PREX1: variants seen among roughly 807,000 people sequenced by gnomAD.
PREX1 encodes phosphatidylinositol-3,4,5-trisphosphate dependent Rac exchange factor 1.
Under a neutral mutation model 198.3 loss-of-function variants are expected in PREX1, and 41 were observed. The observed-to-expected ratio is 0.21, with a 90% CI of 0.16 to 0.27. The LOEUF (loss-of-function observed/expected upper bound fraction) is 0.27, where lower values mean the gene tolerates loss of function less well. PREX1 is among the 10% of genes least tolerant of loss of function. PREX1 has a pLI of 1.00. For missense variants in PREX1, 1,620 were observed against 2,200.7 expected (o/e 0.74, Z 5.28); for synonymous variants, 843 against 887.2 (o/e 0.95, Z 0.89).
At chr20:48,751,133 C>G (rs1357477933) in intron 1 of PREX1, among the ~76,000 whole-genome samples, 7 of 152,220 alleles carry the variant, frequency 4.6e-5, no homozygotes, top group Non-Finnish European at 7.3e-5. Flanking sequence ...GGCACAGTGC[C>G]TGACCCATGC....
At chr20:48,758,477 G>A (rs1250925463) in intron 1 of PREX1, among the ~76,000 whole-genome samples, 1 of 152,156 alleles carries the variant, frequency 6.6e-6, no homozygotes, top group Admixed American at 6.5e-5. Flanking sequence ...AGCTTGGGGG[G>A]GTGAAAGACA....
chr20:48,724,420 A>C (rs1182527315), intron 5 of PREX1, among the ~76,000 whole-genome samples: 1 of 152,200 alleles, frequency 6.6e-6, no homozygotes, highest in Non-Finnish European at 1.5e-5. Context: ...AGGGACGGAT[A>C]GTGACTTGCC....
chr20:48,832,142 G>GAA (rs11481327), upstream of PREX1, among the ~76,000 whole-genome samples: 35,140 of 150,476 alleles, frequency 0.23, 4,679 homozygotes, highest in Non-Finnish European at 0.3. Flanking sequence ...TCAGGGGGAA[G>GAA]AAAAAAAAAG....
At position 48,666,136 on chromosome 20, in the gene PREX1, G is replaced by T. The variant is rs923302990; in HGVS notation, c.1738+147C>A. ...TTTCTCGATCGGTTCAGAACGGGAA[G>T]GGGAGGGAGGTGGGATTCGTGAGCC... is the stretch of plus-strand genomic sequence containing the variant. On this transcript the variant is annotated intron_variant, in intron 15 of 39. Transcript: ENST00000371941. This position sits in a 1 kb window ranked among gnomAD's most constrained non-coding sequence, Gnocchi z 4.3. The T allele has an allele frequency of 1.4e-6, 1 of 738,112 alleles. No individual in the cohort carries two copies. The highest frequency in any genetic ancestry group is 2.2e-6 in the Non-Finnish European group (1 of 448,424). 45.7% of individuals were successfully genotyped at this position (738,112 alleles called of 1,614,324 possible). A position where few individuals can be genotyped will look rare whatever the true frequency, so the allele number is the denominator to read the frequency against.
rs537656516 is a variant in PREX1, at chr20:48,699,209, G to A, written c.917+1544C>T. 8.9e-4 allele frequency among the ~76,000 whole-genome samples: 135 copies of A among 152,298 alleles called. 1 individual carries two copies. The highest frequency in any genetic ancestry group is 3.4e-3 in the Middle Eastern group (1 of 294). ...AGAGACGGTCAGTGGCATGGCCTAG[G>A]ACACAAAGCAAGTTACAGGAAAATG... On this transcript the variant is annotated intron_variant, in intron 7 of 39. Coordinates refer to ENST00000371941, the MANE Select transcript of PREX1 (RefSeq NM_020820.4).
chr20:48,625,510 A>G lies in PREX1; in HGVS notation c.*375T>C, dbSNP rs1400431827. ...GACGTTGAAGGAAACCGGGGTTTCA[A>G]AAGTGCAGGCGGAGCCATCCCGAGG... On this transcript the variant is annotated 3_prime_UTR_variant, in exon 40 of 40. Transcript: ENST00000371941. 9.2e-6 allele frequency: 2 copies of G among 217,370 alleles called. No individual in the cohort carries two copies. The highest frequency in any genetic ancestry group is 1.2e-4 in the East Asian group (1 of 8,374). The allele number at this position is 217,370 out of a possible 1,614,324, so 13.5% of individuals were successfully genotyped here. A position where few individuals can be genotyped will look rare whatever the true frequency, so the allele number is the denominator to read the frequency against.
At chr20:48,774,601 C>A (rs1356944073) in intron 1 of PREX1, among the ~76,000 whole-genome samples, 3 of 152,236 alleles carry the variant, frequency 2.0e-5, no homozygotes, top group Admixed American at 6.5e-5. Flanking sequence ...GCCATGTTTT[C>A]AGGGTGTGTC....
chr20:48,744,060 C>T (rs2090096389), intron 3 of PREX1, among the ~76,000 whole-genome samples: 1 of 152,150 alleles, frequency 6.6e-6, no homozygotes, highest in Admixed American at 6.5e-5. Context: ...AGTGCTGATA[C>T]ACCAAAGTTT....
At chr20:48,778,425 C>CAAAAAAAA (rs35297652) in intron 1 of PREX1, among the ~76,000 whole-genome samples, 3 of 117,524 alleles carry the variant, frequency 2.6e-5, no homozygotes, top group Non-Finnish European at 3.6e-5. Context: ...AGTCAAAAAT[C>CAAAAAAAA]AAAAAAAAAA....
intron 1 of PREX1, among the ~76,000 whole-genome samples, chr20:48,759,469 G>A (rs555653365): frequency 1.4e-5 from 2 of 141,496 alleles, no homozygotes; most frequent in Non-Finnish European, 3.0e-5. Flanking sequence ...AGAATCATTT[G>A]AACCTGGGAA....
In PREX1 at chr20:48,655,338, A is replaced by G. The variant is rs1401908212; in HGVS notation, c.2161T>C (p.Phe721Leu). The G allele has an allele frequency of 6.2e-7, 1 of 1,600,386 alleles. No individual in the cohort carries two copies. The highest frequency in any genetic ancestry group is 8.5e-7 in the Non-Finnish European group (1 of 1,171,932). ...GGTGGGGCAGCTCCACGAATCTGGAAGCACAGTGTGTCCGGCTGGTCGGGG... is the reference window on the plus strand; with the variant it reads ...GGTGGGGCAGCTCCACGAATCTGGAGGCACAGTGTGTCCGGCTGGTCGGGG... ...KIPDQPDTLC[F>L]QIRGAAPPYV... Residue 721 changes from phenylalanine (F) to leucine (L), a missense_variant, in exon 19 of 40, where the codon TTC becomes CTC. Physicochemically the swap from Phe to Leu is conservative, Grantham distance 22. Coordinates refer to ENST00000371941, the MANE Select transcript of PREX1 (RefSeq NM_020820.4).
intron 1 of PREX1, among the ~76,000 whole-genome samples, chr20:48,780,610 G>A (rs1330122252): frequency 1.3e-5 from 2 of 152,086 alleles, no homozygotes; most frequent in Non-Finnish European, 1.5e-5. Flanking sequence ...TGACAATACT[G>A]GTTTATGATA....
intron 22 of PREX1, 115 bp downstream of exon 22, chr20:48,651,281 A>G: frequency 2.1e-6 from 3 of 1,433,966 alleles, no homozygotes; most frequent in Admixed American, 5.0e-5. Context: ...CTCCAGGCTA[A>G]GCCTGAGGAA....
chr20:48,716,401 C>T (rs2089962767), intron 5 of PREX1, among the ~76,000 whole-genome samples: 1 of 152,168 alleles, frequency 6.6e-6, no homozygotes, highest in African/African-American at 2.4e-5. Context: ...CCAGCATGGC[C>T]GTAAGAGGCA....
At chr20:48,693,824 G>A (rs1844166812) in intron 7 of PREX1, among the ~76,000 whole-genome samples, 1 of 151,880 alleles carries the variant, frequency 6.6e-6, no homozygotes, top group African/African-American at 2.4e-5. Flanking sequence ...TAGCCAGGAT[G>A]GTCTCAATCT....
At chr20:48,661,527 ATGTG>A (rs536771095) in intron 15 of PREX1, among the ~76,000 whole-genome samples, 12 of 121,246 alleles carry the variant, frequency 9.9e-5, no homozygotes, top group African/African-American at 1.6e-4. Flanking sequence ...AATATATATA[ATGTG>A]TGTGTGTGTG....
At chr20:48,626,648 C>G (rs186047365) in intron 39 of PREX1, among the ~76,000 whole-genome samples, 6 of 152,210 alleles carry the variant, frequency 3.9e-5, no homozygotes, top group African/African-American at 1.2e-4. Flanking sequence ...GAGACACAAA[C>G]AAGGTGTGTG....
At chr20:48,805,322 G>C (rs2090406947) in intron 1 of PREX1, among the ~76,000 whole-genome samples, 1 of 152,232 alleles carries the variant, frequency 6.6e-6, no homozygotes. Context: ...CTGAGGCTCA[G>C]TCAGAGAAGG....
intron 1 of PREX1, among the ~76,000 whole-genome samples, chr20:48,794,786 A>C (rs887778075): frequency 1.3e-5 from 2 of 152,224 alleles, no homozygotes; most frequent in Non-Finnish European, 2.9e-5. Context: ...GGGAGACAGC[A>C]GTGCTATTTA....
Sources: gnomAD v4.1 joint callset for allele counts (sites outside exome capture counted in the v4.1 genomes callset) on GRCh38, gnomAD v4.1.1 for gene constraint, Gnocchi (gnomAD v3.1) non-coding constraint, MANE v1.5 for transcripts, NCBI Gene and HGNC (gene_info 2026-07-23, HGNC 2026-07-21) for gene names.